Variants in FGF14 observed in about 807,000 individuals in gnomAD.
FGF14 encodes the protein fibroblast growth factor homologous factor 4.
Under a neutral mutation model 25.5 loss-of-function variants are expected in FGF14, and 5 were observed. The observed-to-expected ratio is 0.20, with a 90% CI of 0.10 to 0.41. The LOEUF (loss-of-function observed/expected upper bound fraction) is 0.41, where lower values mean the gene tolerates loss of function less well. Ranked by LOEUF, FGF14 falls within the 10% of genes least tolerant of loss-of-function variation. FGF14 has a pLI of 1.00. For synonymous variants in FGF14, 138 were observed against 118.3 expected, an observed-to-expected ratio of 1.17 and a Z score of -1.08; for missense variants, 222 against 320.1, an observed-to-expected ratio of 0.69 and a Z score of 2.34.
At chr13:102,019,456 C>T (rs904882846) in intron 1 of FGF14, among the ~76,000 whole-genome samples, 5 of 152,104 alleles carry the variant, frequency 3.3e-5, no homozygotes, top group Non-Finnish European at 7.4e-5. Flanking sequence ...TGCCTGACTT[C>T]CCTGATTTCT....
Position 102,389,762 on chromosome 13 carries a change from C to G in FGF14, c.208+11709G>C, listed in dbSNP as rs188342484. On this transcript the variant is annotated intron_variant, in intron 1 of 4. Transcript: ENST00000376131. ...ACACAAATCCGCTGTGAGCAAGCAT[C>G]CACCTGAGACACTCAGCATTGCCCC... is the stretch of plus-strand genomic sequence containing the variant. Among the ~76,000 whole-genome samples the G allele has an allele frequency of 1.0e-3, 157 of 152,108 alleles. 1 individual carries two copies. The highest frequency in any genetic ancestry group is 3.5e-3 in the Admixed American group (54 of 15,284).
rs9582545 is a variant in FGF14, at chr13:102,006,498, A to C, written c.209-131202T>G. On this transcript the variant is annotated intron_variant, in intron 1 of 4. Coordinates refer to the FGF14 transcript ENST00000376131. ...CATTATGTAGTGAGACCCTGAAAGCAAACTTATTTTACAAATACCACAAAA... is the reference window on the plus strand; with the variant it reads ...CATTATGTAGTGAGACCCTGAAAGCCAACTTATTTTACAAATACCACAAAA... Among the ~76,000 whole-genome samples the C allele has an allele frequency of 4.5e-4, 68 of 152,086 alleles. No homozygotes were observed. The South Asian group carries it at 7.7e-3, about 17-fold the overall frequency.
intron 1 of FGF14, among the ~76,000 whole-genome samples, chr13:102,328,747 TA>T (rs1339041438): frequency 1.3e-5 from 2 of 152,224 alleles, no homozygotes; most frequent in African/African-American, 4.8e-5. Context: ...TATACATGTA[TA>T]AATTAAGATG....
intron 1 of FGF14, among the ~76,000 whole-genome samples, chr13:102,059,312 A>G (rs1380385536): frequency 2.0e-5 from 3 of 152,224 alleles, no homozygotes; most frequent in African/African-American, 2.4e-5. Flanking sequence ...AATGGCCTTT[A>G]GAATGCACCA....
rs201326094 is a variant in FGF14, at chr13:102,210,144, GA to G, written c.208+191326del. On this transcript the variant is annotated intron_variant, in intron 1 of 4. Transcript: ENST00000376131. ...ATGATACTAATGAAAATCTAATTCAGAAAAAAAAATTTTTAATTTATATAAA... is the reference window on the plus strand; with the variant it reads ...ATGATACTAATGAAAATCTAATTCAGAAAAAAAATTTTTAATTTATATAAA... 7.6e-3 allele frequency among the ~76,000 whole-genome samples: 1,133 copies of G among 149,992 alleles called. 18 individuals carry two copies. The highest frequency in any genetic ancestry group is 0.027 in the African/African-American group (1,087 of 40,980).
At chr13:102,103,367 A>C (rs979420655) in intron 1 of FGF14, among the ~76,000 whole-genome samples, 5 of 152,082 alleles carry the variant, frequency 3.3e-5, no homozygotes, top group African/African-American at 9.7e-5. Context: ...CTTAAGATAC[A>C]CTCAAGTTTT....
intron 1 of FGF14, among the ~76,000 whole-genome samples, chr13:101,915,553 A>G (rs1263692073): frequency 6.6e-6 from 1 of 152,090 alleles, no homozygotes; most frequent in African/African-American, 2.4e-5. Context: ...AGAGACAGGC[A>G]GAGAGAGAGA....
intron 1 of FGF14, among the ~76,000 whole-genome samples, chr13:102,198,532 G>C (rs2049471793): frequency 6.6e-6 from 1 of 152,128 alleles, no homozygotes; most frequent in Non-Finnish European, 1.5e-5. Context: ...AGACTGAATT[G>C]GAAAATGCAG....
chr13:102,165,665 T>TA (rs2047971479), intron 1 of FGF14, among the ~76,000 whole-genome samples: 1 of 97,098 alleles, frequency 1.0e-5, no homozygotes, highest in African/African-American at 4.1e-5. Context: ...GGGCCTGTTG[T>TA]GGGTGGGGGG....
intron 1 of FGF14, among the ~76,000 whole-genome samples, chr13:102,134,376 T>G (rs910022329): frequency 1.3e-5 from 2 of 152,226 alleles, no homozygotes; most frequent in African/African-American, 4.8e-5. Flanking sequence ...ACAGGTACTT[T>G]TCTGCCCACC....
intron 1 of FGF14, among the ~76,000 whole-genome samples, chr13:101,882,524 C>T (rs913455118): frequency 6.7e-6 from 1 of 149,662 alleles, no homozygotes; most frequent in Admixed American, 6.7e-5. Flanking sequence ...AAACTGGGAA[C>T]TTTGTCTGAA....
chr13:101,952,906 C>A (rs933316141), intron 1 of FGF14, among the ~76,000 whole-genome samples: 1 of 151,996 alleles, frequency 6.6e-6, no homozygotes, highest in African/African-American at 2.4e-5. Context: ...TGGTGGTAGG[C>A]GCCTGTGATC....
intron 3 of FGF14, among the ~76,000 whole-genome samples, chr13:101,763,208 C>G (rs72660325): frequency 2.6e-5 from 4 of 152,212 alleles, no homozygotes; most frequent in Non-Finnish European, 5.9e-5. Flanking sequence ...GTTAGAAACA[C>G]CATTTTACCT....
intron 1 of FGF14, among the ~76,000 whole-genome samples, chr13:102,159,945 T>C (rs1437441592): frequency 2.0e-5 from 3 of 152,220 alleles, no homozygotes; most frequent in Admixed American, 1.3e-4. Context: ...CTCCTAAATA[T>C]GCTATGTCAA....
chr13:102,259,418 G>A (rs1292284524), intron 1 of FGF14, among the ~76,000 whole-genome samples: 1 of 151,740 alleles, frequency 6.6e-6, no homozygotes, highest in Non-Finnish European at 1.5e-5. Context: ...ATTCTATGTT[G>A]TCCATCCAAC....
intron 1 of FGF14, among the ~76,000 whole-genome samples, chr13:102,197,432 G>A (rs897747413): frequency 5.9e-5 from 9 of 151,902 alleles, no homozygotes; most frequent in African/African-American, 9.7e-5. Flanking sequence ...TGAGACCTTG[G>A]CCAAGTCACT....
At chr13:101,967,112 A>G (rs764501676) in intron 1 of FGF14, among the ~76,000 whole-genome samples, 11 of 152,190 alleles carry the variant, frequency 7.2e-5, no homozygotes, top group Non-Finnish European at 1.5e-4. Context: ...GTTCTGTAGC[A>G]CAACATCCCA....
chr13:101,877,425 A>T (rs1304392781), intron 1 of FGF14, among the ~76,000 whole-genome samples: 1 of 152,104 alleles, frequency 6.6e-6, no homozygotes. Context: ...ACCTTACTTA[A>T]TAGAAGCCCA....
chr13:102,071,752 G>A (rs1476328989), intron 1 of FGF14, among the ~76,000 whole-genome samples: 1 of 152,078 alleles, frequency 6.6e-6, no homozygotes, highest in Non-Finnish European at 1.5e-5. Context: ...TACCTACTGA[G>A]TAATGATATA....
Sources: gnomAD v4.1 joint callset for allele counts (sites outside exome capture counted in the v4.1 genomes callset) on GRCh38, gnomAD v4.1.1 for gene constraint, MANE v1.5 for transcripts, NCBI Gene and HGNC (gene_info 2026-07-23, HGNC 2026-07-21) for gene names.